Variants in MECOM observed in about 807,000 individuals in gnomAD.
MECOM encodes histone-lysine N-methyltransferase MECOM.
Under a neutral mutation model 116.3 loss-of-function variants are expected in MECOM, and 13 were observed. The ratio of observed to expected loss-of-function variants is 0.11; its 90% CI spans 0.07 to 0.18. The LOEUF is 0.18. Ranked by LOEUF, MECOM falls within the 10% of genes least tolerant of loss-of-function variation. The pLI is 1.00. For synonymous variants in MECOM, 528 were observed against 535.2 expected, an observed-to-expected ratio of 0.99 and a Z score of 0.19; for missense variants, 1,299 against 1,509.0, an observed-to-expected ratio of 0.86 and a Z score of 2.31.
At chr3:169,177,954 A>C (rs1745411362) in intron 2 of MECOM, among the ~76,000 whole-genome samples, 2 of 151,992 alleles carry the variant, frequency 1.3e-5, no homozygotes, top group Admixed American at 1.3e-4. Context: ...AAAAAGAGAA[A>C]AAGAATGTGG....
chr3:169,373,957 G>A (rs558342093), intron 2 of MECOM, among the ~76,000 whole-genome samples: 5 of 152,046 alleles, frequency 3.3e-5, no homozygotes, highest in Admixed American at 3.3e-4. Context: ...TAGACTGAAT[G>A]TGTGTGTCCT....
intron 2 of MECOM, among the ~76,000 whole-genome samples, chr3:169,376,694 G>GA (rs1181807145): frequency 2.0e-5 from 3 of 152,068 alleles, no homozygotes; most frequent in Non-Finnish European, 2.9e-5. Context: ...ACAAAAAATG[G>GA]AAAAAAATTC....
At chr3:169,483,769 G>A (rs540128685) in intron 1 of MECOM, 167 of 1,610,178 alleles carry the variant, frequency 1.0e-4, no homozygotes, top group Non-Finnish European at 1.4e-4. Flanking sequence ...AACCAGTCAC[G>A]TAGATTATTC....
At chr3:169,181,751 T>C (rs1310671963) in intron 2 of MECOM, among the ~76,000 whole-genome samples, 2 of 152,126 alleles carry the variant, frequency 1.3e-5, no homozygotes, top group Non-Finnish European at 2.9e-5. Context: ...GCATCTATCA[T>C]GTAAGGAGAC....
intron 2 of MECOM, among the ~76,000 whole-genome samples, chr3:169,321,936 G>T (rs1394416925): frequency 6.6e-6 from 1 of 152,196 alleles, no homozygotes; most frequent in African/African-American, 2.4e-5. Context: ...GGGAGCCACC[G>T]AAGTGATTTT....
chr3:169,490,272 CA>C (rs1353377864), intron 1 of MECOM, among the ~76,000 whole-genome samples: 2 of 152,088 alleles, frequency 1.3e-5, no homozygotes. Flanking sequence ...AGTGTACAAT[CA>C]ACACGAGCTG....
At chr3:169,624,035 T>G (rs1291361132) in intron 1 of MECOM, 1 of 152,226 alleles carries the variant, frequency 6.6e-6, no homozygotes, top group Non-Finnish European at 1.5e-5. Context: ...CACCCTCCAC[T>G]GACACATCTG....
At chr3:169,204,489 CAG>C (rs1749640984) in intron 2 of MECOM, among the ~76,000 whole-genome samples, 1 of 152,116 alleles carries the variant, frequency 6.6e-6, no homozygotes, top group Non-Finnish European at 1.5e-5. Context: ...TAATTGGAAA[CAG>C]AATTATTTAT....
chr3:169,172,340 A>G (rs1744541587), intron 2 of MECOM, among the ~76,000 whole-genome samples: 2 of 151,164 alleles, frequency 1.3e-5, no homozygotes, highest in South Asian at 4.2e-4. Flanking sequence ...GACAAATGTC[A>G]ATGTCTTTTC....
At chr3:169,226,383 TATA>T (rs1577396023) in intron 2 of MECOM, among the ~76,000 whole-genome samples, 1 of 152,238 alleles carries the variant, frequency 6.6e-6, no homozygotes, top group African/African-American at 2.4e-5. Context: ...TAAAGGAATT[TATA>T]ATAACTGTAT....
intron 2 of MECOM, among the ~76,000 whole-genome samples, chr3:169,205,387 T>C (rs978238404): frequency 8.5e-5 from 13 of 152,190 alleles, no homozygotes; most frequent in East Asian, 5.8e-4. Flanking sequence ...AGGCAATTTA[T>C]GCATGAGTAG....
chr3:169,377,236 C>T (rs538919283), intron 2 of MECOM, among the ~76,000 whole-genome samples: 1 of 152,212 alleles, frequency 6.6e-6, no homozygotes, highest in Admixed American at 6.5e-5. Flanking sequence ...AGAAGAAAAC[C>T]TAGGCAATAC....
chr3:169,141,966 G>A (rs1165264295), intron 3 of MECOM, among the ~76,000 whole-genome samples: 1 of 151,886 alleles, frequency 6.6e-6, no homozygotes, highest in Non-Finnish European at 1.5e-5. Context: ...AAGTAAACAC[G>A]CTATTCATTA....
At chr3:169,257,649 G>A (rs968584671) in intron 2 of MECOM, among the ~76,000 whole-genome samples, 7 of 152,172 alleles carry the variant, frequency 4.6e-5, no homozygotes, top group Non-Finnish European at 8.8e-5. Context: ...ACTCAGCCAA[G>A]GAGGGCAAAA....
chr3:169,331,918 A>G (rs1722791738), intron 2 of MECOM, among the ~76,000 whole-genome samples: 1 of 151,778 alleles, frequency 6.6e-6, no homozygotes, highest in Non-Finnish European at 1.5e-5. Flanking sequence ...AGCAAGTGAG[A>G]TGCGTACTGG....
At chr3:169,210,419 G>A (rs80206791) in intron 2 of MECOM, among the ~76,000 whole-genome samples, 16,284 of 151,898 alleles carry the variant, frequency 0.11, 972 homozygotes, top group Non-Finnish European at 0.13. Context: ...AAAACACGGC[G>A]GCATTATTGT....
chr3:169,602,164 T>TA (rs975676833), intron 1 of MECOM, among the ~76,000 whole-genome samples: 3 of 152,286 alleles, frequency 2.0e-5, no homozygotes, highest in Non-Finnish European at 2.9e-5. Context: ...GTGGTTTAAG[T>TA]AAAAAAACTT....
At chr3:169,594,154 C>CAAAAAAAAAAAAA (rs34331048) in intron 1 of MECOM, among the ~76,000 whole-genome samples, 3 of 45,708 alleles carry the variant, frequency 6.6e-5, no homozygotes, top group African/African-American at 3.6e-4. Flanking sequence ...ACCACCACCA[C>CAAAAAAAAAAAAA]AAAAAAAAAA....
intron 2 of MECOM, among the ~76,000 whole-genome samples, chr3:169,237,487 T>C (rs150908358): frequency 3.7e-4 from 57 of 152,184 alleles, no homozygotes; most frequent in Middle Eastern, 3.4e-3. Flanking sequence ...TTTATTATTT[T>C]TATAGAACTT....
Sources: gnomAD v4.1 joint callset for allele counts (sites outside exome capture counted in the v4.1 genomes callset) on GRCh38, gnomAD v4.1.1 for gene constraint, MANE v1.5 for transcripts, NCBI Gene and HGNC (gene_info 2026-07-23, HGNC 2026-07-21) for gene names.